Variants in PIEZO1 observed in about 807,000 individuals in gnomAD.
The protein encoded by PIEZO1 is piezo type mechanosensitive ion channel component 1 (Er blood group), also known as piezo-type mechanosensitive ion channel component 1.
In PIEZO1, 296 loss-of-function variants were observed where a neutral mutation model predicts 297.2. The ratio of observed to expected loss-of-function variants is 1.00; its 90% CI spans 0.91 to 1.10. The LOEUF (loss-of-function observed/expected upper bound fraction) is 1.10. Ranked by LOEUF, PIEZO1 falls within the 50% of genes least tolerant of loss-of-function variation. PIEZO1 has a pLI of 0.00. For synonymous variants in PIEZO1, 2,427 were observed against 1,507.5 expected, an observed-to-expected ratio of 1.61 and a Z score of -14.13; for missense variants, 5,018 against 3,455.5, an observed-to-expected ratio of 1.45 and a Z score of -11.34.
Position 88,738,033 on chromosome 16 carries a change from G to T in PIEZO1, c.921C>A (p.Gly307=). 6.5e-7 allele frequency: 1 copy of T among 1,535,772 alleles called. No individual in the cohort carries two copies. Among genetic ancestry groups the T allele is most frequent in the Non-Finnish European group, 8.7e-7 (1 of 1,146,816 alleles). Residue 307 remains glycine (G), a synonymous_variant, in exon 8 of 51, where the codon GGC becomes GGA. Transcript: ENST00000301015. The part of the protein sequence containing the change: ...SSPHALVLNT[G]LDWPVYASPG... ...GGCTGGCATACACAGGCCAGTCCAG[G>T]CCGGTGTTGAGGACCAGCGCGTGGG...
intron 1 of PIEZO1, among the ~76,000 whole-genome samples, chr16:88,784,633 G>A (rs1412665371): frequency 6.6e-6 from 1 of 151,670 alleles, no homozygotes; most frequent in Non-Finnish European, 1.5e-5. Context: ...CGCTATGCCC[G>A]GCGCTCGCTC....
At chr16:88,747,869 C>T (rs1183268114) in intron 2 of PIEZO1, among the ~76,000 whole-genome samples, 3 of 152,178 alleles carry the variant, frequency 2.0e-5, no homozygotes, top group Non-Finnish European at 2.9e-5. Flanking sequence ...CCCCACCCCA[C>T]CGGCTCTGGA....
chr16:88,756,047 G>C (rs1250769041), intron 1 of PIEZO1, among the ~76,000 whole-genome samples: 1 of 152,206 alleles, frequency 6.6e-6, no homozygotes, highest in Non-Finnish European at 1.5e-5. Context: ...CTTGGGTCCA[G>C]GGTCACAGGA....
In PIEZO1 at chr16:88,735,196, C is replaced by T. The variant is rs1905127817; in HGVS notation, c.1608G>A (p.Glu536=). 1 of 1,550,308 alleles carries T rather than the reference C, an allele frequency of 6.5e-7. No individual in the cohort carries two copies. The stretch of plus-strand genomic sequence containing the variant: ...GAGACTCTGCCCACTTCAGCAGCTT[C>T]TCTTTCACAAACTGGCGCAGCAGGA... ...FWLLLRQFVK[E]KLLKWAESPA... is the part of the protein sequence containing the mutation. The change falls in exon 13 of 51, where the codon GAG becomes GAA. Residue 536 remains glutamate, a synonymous_variant. Transcript: ENST00000301015.
chr16:88,732,288 C>G, intron 21 of PIEZO1, 47 bp downstream of exon 21: 3 of 1,500,454 alleles, frequency 2.0e-6, no homozygotes, highest in Non-Finnish European at 2.7e-6. Context: ...TCCCTCCCTC[C>G]CGAAGGCCAA....
chr16:88,744,223 G>C (rs1905889305), intron 2 of PIEZO1: 1 of 154,538 alleles, frequency 6.5e-6, no homozygotes, highest in African/African-American at 2.4e-5. Context: ...TGCCACACCT[G>C]CCTGGGAACC....
chr16:88,749,080 A>T (rs576279816), intron 2 of PIEZO1, among the ~76,000 whole-genome samples: 1 of 151,708 alleles, frequency 6.6e-6, no homozygotes, highest in Non-Finnish European at 1.5e-5. Flanking sequence ...TACTAAAAAT[A>T]CAAAAAAAAA....
chr16:88,760,694 G>A (rs1205154435), intron 1 of PIEZO1, among the ~76,000 whole-genome samples: 9 of 152,080 alleles, frequency 5.9e-5, no homozygotes, highest in South Asian at 4.1e-4. Flanking sequence ...GGTCCCAAGC[G>A]GAGACACCCG....
intron 22 of PIEZO1, among the ~76,000 whole-genome samples, chr16:88,727,994 C>T (rs1308969128): frequency 4.6e-5 from 7 of 152,214 alleles, no homozygotes; most frequent in Admixed American, 3.9e-4. Flanking sequence ...CTGAAAACAA[C>T]GGCCAGAAGC....
rs1391613052 is a variant in PIEZO1 at position 88,784,922 on chromosome 16, G to A, written c.43C>T (p.Leu15=). 3.5e-6 allele frequency: 5 copies of A among 1,436,658 alleles called. No individual in the cohort carries two copies. The highest frequency in any genetic ancestry group is 3.2e-5 in the East Asian group (1 of 31,164). The allele number at this position is 1,436,658 out of a possible 1,614,324, so 89.0% of individuals were successfully genotyped here. Residue 15 remains leucine (L), a synonymous_variant, in exon 1 of 51, where the codon CTG becomes TTG. Coordinates refer to ENST00000301015, the MANE Select transcript of PIEZO1 (RefSeq NM_001142864.4). ...VLGAVLYWLL[L]PCALLAACLL... The stretch of plus-strand genomic sequence containing the variant: ...TCACCAGCCAGCAGCGCGCAGGGCA[G>A]CAGCAGCCAGTACAGGACCGCGCCG...
chr16:88,721,137 CAGG>C (rs1224497872), intron 39 of PIEZO1, 26 bp downstream of exon 39: 2 of 1,463,918 alleles, frequency 1.4e-6, no homozygotes, highest in South Asian at 1.4e-5. Context: ...ACTGGGTAGG[CAGG>C]AGGTTGTGAG....
intron 1 of PIEZO1, among the ~76,000 whole-genome samples, chr16:88,751,269 G>A (rs900994224): frequency 2.0e-5 from 3 of 152,294 alleles, no homozygotes; most frequent in South Asian, 2.1e-4. Flanking sequence ...ACAGGAGGCC[G>A]GGCCTTTCAC....
intron 2 of PIEZO1, chr16:88,743,201 G>T (rs963772482): frequency 2.2e-6 from 1 of 456,354 alleles, no homozygotes; most frequent in African/African-American, 2.0e-5. Context: ...GGCTGGGCGG[G>T]CGCACCCTGT....
Position 88,719,939 on chromosome 16 carries a change from C to G in PIEZO1, c.6186G>C (p.Val2062=), listed in dbSNP as rs745799247. 1.3e-6 allele frequency: 2 copies of G among 1,550,342 alleles called. No homozygotes were observed. Among genetic ancestry groups the G allele is most frequent in the South Asian group, 2.4e-5 (2 of 84,066 alleles). ...ACTTCACGAAGTACCAGAGCTGGGC[C>G]ACCACATTCTGGTTGAACATCCTGG... ...VTERMFNQNV[V]AQLWYFVKCI... is the part of the protein sequence containing the mutation. Residue 2062 remains valine, a synonymous_variant, in exon 43 of 51, where the codon GTG becomes GTC. Transcript: ENST00000301015.
At chr16:88,763,831 G>A (rs529167896) in intron 1 of PIEZO1, among the ~76,000 whole-genome samples, 1 of 152,226 alleles carries the variant, frequency 6.6e-6, no homozygotes, top group Non-Finnish European at 1.5e-5. Context: ...TAATTGAGAG[G>A]GTAAGATTCC....
chr16:88,754,613 G>T (rs1475222797), intron 1 of PIEZO1, among the ~76,000 whole-genome samples: 37 of 152,200 alleles, frequency 2.4e-4, no homozygotes, highest in Admixed American at 2.4e-3. Context: ...CACAGGGAGG[G>T]CTGCCGGATG....
Position 88,716,258 on chromosome 16 carries a change from G to A in PIEZO1, c.7069C>T (p.Pro2357Ser). 6.7e-7 allele frequency: 1 copy of A among 1,493,170 alleles called. No individual in the cohort carries two copies. Among genetic ancestry groups the A allele is most frequent in the Non-Finnish European group, 9.0e-7 (1 of 1,116,208 alleles). 92.5% of individuals were successfully genotyped at this position (1,493,170 alleles called of 1,614,324 possible). A position where few individuals can be genotyped will look rare whatever the true frequency, so the allele number is the denominator to read the frequency against. The change falls in exon 49 of 51, where the codon CCC (proline) becomes TCC (serine). Residue 2357 changes from proline (P) to serine (S), a missense_variant. Pro to Ser is a moderately conservative substitution (Grantham distance 74). Transcript: ENST00000301015. ...CCGTTGGGGGCACGGATGTACTTGG[G>A]GAAGAGATTAGGGATGACCCTGCAG... ...DQSVVIPNLF[P>S]KYIRAPNGPE...
Position 88,723,976 on chromosome 16 carries a change from G to A in PIEZO1, c.4235-5C>T, listed in dbSNP as rs879649461. 2 of 1,520,488 alleles carry A rather than the reference G, an allele frequency of 1.3e-6. No individual in the cohort carries two copies. The highest frequency in any genetic ancestry group is 1.8e-6 in the Non-Finnish European group (2 of 1,119,866). 94.2% of individuals were successfully genotyped at this position (1,520,488 alleles called of 1,614,324 possible). On this transcript the variant is annotated splice_polypyrimidine_tract_variant and splice_region_variant and intron_variant, in intron 30 of 50. Transcript: ENST00000301015. The stretch of plus-strand genomic sequence containing the variant: ...AGTAGTCCCCGGAGTGGATGACTGT[G>A]GGCAGGCAGCACTGAGAGCCAGCCT...
Position 88,738,725 on chromosome 16 carries a change from C to G in PIEZO1, c.477G>C (p.Glu159Asp). The G allele has an allele frequency of 6.5e-7, 1 of 1,531,308 alleles. No homozygotes were observed. Among genetic ancestry groups the G allele is most frequent in the African/African-American group, 1.4e-5 (1 of 73,074 alleles). 94.9% of individuals were successfully genotyped at this position (1,531,308 alleles called of 1,614,324 possible). The part of the protein sequence containing the change: ...SPHPRELDDD[E>D]RDVDASPTAG... ...CCGTCGGGCTGGCATCCACATCCCT[C>G]TCATCATCATCCTGCCAAGGTCACG... The change falls in exon 6 of 51, where the codon GAG (glutamate) becomes GAC (aspartate). Residue 159 changes from glutamate to aspartate, a missense_variant. Glu to Asp is a conservative substitution (Grantham distance 45, BLOSUM62 2). Coordinates refer to ENST00000301015, the MANE Select transcript of PIEZO1 (RefSeq NM_001142864.4).
Sources: allele counts gnomAD v4.1 joint callset (sites outside exome capture counted in the v4.1 genomes callset), GRCh38; gene constraint gnomAD v4.1.1; transcripts MANE v1.5; gene names NCBI Gene and HGNC (gene_info 2026-07-23, HGNC 2026-07-21).